The following LRIG1 variants were observed in gnomAD, a reference collection of about 807,000 sequenced individuals.
LRIG1 encodes leucine rich repeats and immunoglobulin like domains 1, also known as leucine-rich repeats and immunoglobulin-like domains protein 1.
In LRIG1, 48 loss-of-function variants were observed where a neutral mutation model predicts 99.2. That is an observed-to-expected ratio of 0.48 (90% CI 0.38 to 0.62). LRIG1 has a LOEUF of 0.62. LRIG1 is among the 20% of genes least tolerant of loss of function. The probability of loss-of-function intolerance (pLI) is 0.00; values close to 1 mark genes in which losing one functional copy is unlikely to be tolerated. For synonymous variants in LRIG1, 772 were observed against 596.1 expected, an observed-to-expected ratio of 1.29 and a Z score of -4.30; for missense variants, 1,646 against 1,434.4, an observed-to-expected ratio of 1.15 and a Z score of -2.38.
intron 1 of LRIG1, among the ~76,000 whole-genome samples, chr3:66,481,380 T>C (rs1700847442): frequency 6.6e-6 from 1 of 152,222 alleles, no homozygotes; most frequent in Admixed American, 6.5e-5. Flanking sequence ...CATTAATATA[T>C]AATCAGAACA....
intron 6 of LRIG1, among the ~76,000 whole-genome samples, chr3:66,411,784 A>C (rs1488326216): frequency 6.6e-6 from 1 of 152,176 alleles, no homozygotes; most frequent in Non-Finnish European, 1.5e-5. Context: ...ACTCTCAAGG[A>C]GGAAATCGCA....
At position 66,383,037 on chromosome 3, in the gene LRIG1, C is replaced by A; in HGVS notation, c.2436G>T (p.Val812=). 1 of 1,614,196 alleles carries A rather than the reference C, an allele frequency of 6.2e-7. No homozygotes were observed. Among genetic ancestry groups the A allele is most frequent in the Non-Finnish European group, 8.5e-7 (1 of 1,180,028 alleles). Residue 812 remains valine, a synonymous_variant, in exon 15 of 19, where the codon GTG becomes GTT. Transcript: ENST00000273261. ...TCTTCCTGGTCTGGTAGATGATGCACACCCAGACCAGTGACGTCAGGACGA... is the reference window on the plus strand; with the variant it reads ...TCTTCCTGGTCTGGTAGATGATGCAAACCCAGACCAGTGACGTCAGGACGA... The part of the protein sequence containing the change: ...SSIVLTSLVW[V]CIIYQTRKKS...
chr3:66,472,617 AG>A (rs1700628831), intron 1 of LRIG1, among the ~76,000 whole-genome samples: 1 of 152,194 alleles, frequency 6.6e-6, no homozygotes, highest in Non-Finnish European at 1.5e-5. Context: ...TGGTCATGAG[AG>A]CAGGGTGGCC....
At chr3:66,388,106 C>CAAAAAAAAAAAAAAAAAAAAAAAAAAAA (rs34227936) in intron 12 of LRIG1, 1 of 53,640 alleles carries the variant, frequency 1.9e-5, no homozygotes, top group Non-Finnish European at 2.9e-5. Context: ...GACTCTGTCT[C>CAAAAAAAAAAAAAAAAAAAAAAAAAAAA]AAAAAAAAAA....
chr3:66,448,457 A>T (rs1703794792), intron 3 of LRIG1, among the ~76,000 whole-genome samples: 1 of 152,252 alleles, frequency 6.6e-6, no homozygotes, highest in African/African-American at 2.4e-5. Flanking sequence ...AACAGTGGTT[A>T]TTGGTCAGAG....
chr3:66,417,527 C>A, intron 3 of LRIG1: 1 of 451,996 alleles, frequency 2.2e-6, no homozygotes, highest in Non-Finnish European at 4.1e-6. Context: ...ACAGCAGTGA[C>A]ACTGAAGACC....
chr3:66,476,118 G>A (rs936860705), intron 1 of LRIG1, among the ~76,000 whole-genome samples: 3 of 152,150 alleles, frequency 2.0e-5, no homozygotes, highest in African/African-American at 4.8e-5. Context: ...TGAAGAGGTG[G>A]GGAAGGGAGA....
At chr3:66,437,591 A>C (rs1400183199) in intron 3 of LRIG1, among the ~76,000 whole-genome samples, 2 of 152,162 alleles carry the variant, frequency 1.3e-5, no homozygotes, top group African/African-American at 4.8e-5. Context: ...TAAGTATCTA[A>C]AACAACCTAG....
At chr3:66,393,841 T>A (rs1176408079) in intron 12 of LRIG1, among the ~76,000 whole-genome samples, 199 bp downstream of exon 12, 1 of 152,202 alleles carries the variant, frequency 6.6e-6, no homozygotes, top group Non-Finnish European at 1.5e-5. Flanking sequence ...ATGCATGTCC[T>A]CCAAGAACCA....
chr3:66,439,912 T>C (rs537005848), intron 3 of LRIG1, among the ~76,000 whole-genome samples: 4 of 152,004 alleles, frequency 2.6e-5, no homozygotes, highest in Admixed American at 2.0e-4. Context: ...AAATCAACAG[T>C]GAAAAGAGGT....
intron 1 of LRIG1, among the ~76,000 whole-genome samples, chr3:66,494,532 C>T (rs1701184979): frequency 6.6e-6 from 1 of 152,096 alleles, no homozygotes; most frequent in Non-Finnish European, 1.5e-5. Context: ...GTATAAAACC[C>T]AGTGAAATGG....
chr3:66,414,643 A>G (rs945540538), intron 5 of LRIG1, among the ~76,000 whole-genome samples: 2 of 152,212 alleles, frequency 1.3e-5, no homozygotes, highest in South Asian at 2.1e-4. Context: ...AGCATTAGCC[A>G]GCATCAGCTA....
chr3:66,399,106 GAAAGAA>G (rs1056155222), intron 9 of LRIG1, 65 bp from the exon 10 acceptor site: 101 of 1,289,838 alleles, frequency 7.8e-5, no homozygotes, highest in East Asian at 6.5e-4. Flanking sequence ...AGGGTTGAGA[GAAAGAA>G]AAAGAAAAAG....
chr3:66,383,555 C>T (rs1399863372), intron 14 of LRIG1, among the ~76,000 whole-genome samples, 154 bp from the exon 15 acceptor site: 1 of 152,210 alleles, frequency 6.6e-6, no homozygotes, highest in Non-Finnish European at 1.5e-5. Flanking sequence ...CCCTTCAACT[C>T]ATTGACTGAG....
chr3:66,393,445 C>A (rs916292673), intron 12 of LRIG1, among the ~76,000 whole-genome samples: 3 of 152,228 alleles, frequency 2.0e-5, no homozygotes, highest in African/African-American at 7.2e-5. Context: ...AGCTGTTCAG[C>A]ATTTTCTGTG....
At chr3:66,443,242 C>T (rs1703602324) in intron 3 of LRIG1, among the ~76,000 whole-genome samples, 1 of 150,032 alleles carries the variant, frequency 6.7e-6, no homozygotes, top group Non-Finnish European at 1.5e-5. Context: ...GCAACAGCGG[C>T]CTGCTGGCTC....
chr3:66,486,715 A>T (rs1700982945), intron 1 of LRIG1, among the ~76,000 whole-genome samples: 2 of 152,206 alleles, frequency 1.3e-5, no homozygotes, highest in East Asian at 3.9e-4. Flanking sequence ...GGACATGTCT[A>T]TTTTAGGTAT....
At chr3:66,496,424 G>A (rs1373120850) in intron 1 of LRIG1, among the ~76,000 whole-genome samples, 1 of 152,114 alleles carries the variant, frequency 6.6e-6, no homozygotes, top group East Asian at 1.9e-4. Flanking sequence ...TTATTTGCCA[G>A]AAATCTCACC....
chr3:66,400,564 G>A (rs1412453112), intron 9 of LRIG1, among the ~76,000 whole-genome samples: 1 of 152,162 alleles, frequency 6.6e-6, no homozygotes, highest in African/African-American at 2.4e-5. Flanking sequence ...GGAAGCCCCT[G>A]GAGAAAGCCC....
Sources: allele counts gnomAD v4.1 joint callset (sites outside exome capture counted in the v4.1 genomes callset), GRCh38; gene constraint gnomAD v4.1.1; transcripts MANE v1.5; gene names NCBI Gene and HGNC (gene_info 2026-07-23, HGNC 2026-07-21).